KCNH1: variants seen among roughly 807,000 people sequenced by gnomAD.
KCNH1 encodes potassium voltage-gated channel subfamily H member 1.
Under a neutral mutation model 69.2 loss-of-function variants are expected in KCNH1, and 27 were observed. The ratio of observed to expected loss-of-function variants is 0.39; its 90% CI spans 0.29 to 0.54. The LOEUF (loss-of-function observed/expected upper bound fraction) is 0.54, where lower values mean the gene tolerates loss of function less well. KCNH1 is among the 20% of genes least tolerant of loss of function. The pLI, the probability that KCNH1 is intolerant of heterozygous loss-of-function variation, is 0.68. For missense variants in KCNH1, 798 were observed against 1,261.6 expected, an observed-to-expected ratio of 0.63 and a Z score of 5.57; for synonymous variants, 456 against 487.7, an observed-to-expected ratio of 0.93 and a Z score of 0.86.
chr1:210,765,332 C>T (rs1455513545), intron 10 of KCNH1, among the ~76,000 whole-genome samples: 2 of 152,084 alleles, frequency 1.3e-5, no homozygotes, highest in Non-Finnish European at 2.9e-5. Context: ...CACTAGAAAC[C>T]CAAACCTCAG....
chr1:210,714,288 T>A (rs569370956), intron 10 of KCNH1, among the ~76,000 whole-genome samples: 2 of 152,340 alleles, frequency 1.3e-5, no homozygotes, highest in African/African-American at 4.8e-5. Context: ...AAGTAAAGTA[T>A]AGTTCACAGA....
chr1:210,904,164 A>G (rs1687049498), intron 7 of KCNH1, among the ~76,000 whole-genome samples: 1 of 152,248 alleles, frequency 6.6e-6, no homozygotes, highest in Admixed American at 6.5e-5. Flanking sequence ...TAAGGTCATT[A>G]AGTTATGAGT....
chr1:211,087,485 A>G (rs926132380), intron 4 of KCNH1, among the ~76,000 whole-genome samples: 6 of 151,914 alleles, frequency 3.9e-5, no homozygotes, highest in African/African-American at 1.5e-4. Flanking sequence ...CCCACAGCCT[A>G]CTCCCAATTA....
chr1:210,844,904 T>C (rs1306747310), intron 7 of KCNH1, among the ~76,000 whole-genome samples: 1 of 152,020 alleles, frequency 6.6e-6, no homozygotes, highest in Non-Finnish European at 1.5e-5. Context: ...ATATCACCAC[T>C]GATCCCACAG....
intron 6 of KCNH1, among the ~76,000 whole-genome samples, chr1:211,004,291 T>C (rs1352698283): frequency 2.0e-5 from 3 of 152,024 alleles, no homozygotes; most frequent in Non-Finnish European, 4.4e-5. Context: ...AGGTAGAAGA[T>C]GATTGAAGGG....
chr1:210,921,447 C>A (rs1372069901), intron 6 of KCNH1, among the ~76,000 whole-genome samples: 1 of 152,218 alleles, frequency 6.6e-6, no homozygotes, highest in African/African-American at 2.4e-5. Context: ...GCTATTCTCT[C>A]TTGTCCACTA....
intron 7 of KCNH1, among the ~76,000 whole-genome samples, chr1:210,841,880 C>G (rs2102453993): frequency 6.6e-6 from 1 of 152,118 alleles, no homozygotes; most frequent in East Asian, 1.9e-4. Context: ...TCTTTCAATC[C>G]CATGCACACT....
At chr1:210,780,286 T>A (rs146487398) in intron 9 of KCNH1, among the ~76,000 whole-genome samples, 42 of 152,346 alleles carry the variant, frequency 2.8e-4, no homozygotes, top group Middle Eastern at 3.4e-3. Flanking sequence ...ATGAAATTTC[T>A]GGCTGCTTCT....
chr1:210,904,268 G>T (rs1385390811), intron 7 of KCNH1, among the ~76,000 whole-genome samples: 5 of 152,164 alleles, frequency 3.3e-5, no homozygotes, highest in African/African-American at 7.2e-5. Context: ...GAGTGAATCT[G>T]CAAAGTGGTG....
chr1:210,940,983 G>A (rs1558534126), intron 6 of KCNH1, among the ~76,000 whole-genome samples: 1 of 152,134 alleles, frequency 6.6e-6, no homozygotes, highest in East Asian at 1.9e-4. Context: ...GTCTGGTGGG[G>A]GTGAAAACCC....
chr1:210,861,648 T>C (rs1455538260), intron 7 of KCNH1: 4 of 771,474 alleles, frequency 5.2e-6, no homozygotes, highest in Non-Finnish European at 4.8e-6. Context: ...GAGCATAGAG[T>C]ATATACTGAA....
chr1:211,074,097 T>TTAAAA (rs754469732), intron 5 of KCNH1, among the ~76,000 whole-genome samples: 2 of 119,750 alleles, frequency 1.7e-5, no homozygotes, highest in African/African-American at 6.4e-5. Flanking sequence ...TTCCACCAAT[T>TTAAAA]AAAAAAAAAA....
intron 10 of KCNH1, among the ~76,000 whole-genome samples, chr1:210,713,982 C>T (rs888171207): frequency 6.6e-6 from 1 of 151,700 alleles, no homozygotes; most frequent in African/African-American, 2.4e-5. Flanking sequence ...AGGCTTCTCA[C>T]GATTGTCCTA....
At position 210,996,189 on chromosome 1, in the gene KCNH1, G is replaced by A. The variant is rs553568816; in HGVS notation, c.1032+22594C>T. On this transcript the variant is annotated intron_variant, in intron 6 of 10. Transcript: ENST00000271751. ...ACGAGCCGAAGCAGGGTGAGGCATCGCCTCACTCGGGAAGCACAAAGGGTC... is the reference window on the plus strand; with the variant it reads ...ACGAGCCGAAGCAGGGTGAGGCATCACCTCACTCGGGAAGCACAAAGGGTC... Among the ~76,000 whole-genome samples the A allele has an allele frequency of 5.9e-5, 9 of 152,276 alleles. No individual in the cohort carries two copies. The South Asian group carries it at 8.3e-4, about 14-fold the overall frequency.
chr1:210,821,065 C>T (rs1424181650), intron 7 of KCNH1, among the ~76,000 whole-genome samples: 1 of 152,176 alleles, frequency 6.6e-6, no homozygotes, highest in African/African-American at 2.4e-5. Context: ...TTAAGTTTTT[C>T]AAATCATACT....
intron 7 of KCNH1, among the ~76,000 whole-genome samples, chr1:210,905,864 A>G (rs1343309117): frequency 6.6e-6 from 1 of 152,216 alleles, no homozygotes; most frequent in East Asian, 1.9e-4. Flanking sequence ...GAAGTGGCAT[A>G]ATGTATGTAA....
chr1:211,038,030 G>T (rs1465303782), intron 5 of KCNH1, among the ~76,000 whole-genome samples: 1 of 149,904 alleles, frequency 6.7e-6, no homozygotes, highest in African/African-American at 2.5e-5. Context: ...CGTGATCTCG[G>T]CTCACTGCAA....
At chr1:210,859,668 T>A in intron 7 of KCNH1, 2 of 1,291,990 alleles carry the variant, frequency 1.5e-6, no homozygotes, top group Non-Finnish European at 2.3e-6. Context: ...CATATGCTCT[T>A]TTTAATCCAT....
intron 10 of KCNH1, among the ~76,000 whole-genome samples, chr1:210,735,452 G>C (rs951156380): frequency 1.3e-5 from 2 of 150,844 alleles, no homozygotes; most frequent in African/African-American, 4.9e-5. Context: ...GTGTGTGTGT[G>C]TGTGTGTGTG....
Sources: gnomAD v4.1 joint callset for allele counts (sites outside exome capture counted in the v4.1 genomes callset) on GRCh38, gnomAD v4.1.1 for gene constraint, MANE v1.5 for transcripts, NCBI Gene and HGNC (gene_info 2026-07-23, HGNC 2026-07-21) for gene names.